Variants in ZNF407 observed in about 807,000 individuals in gnomAD.
ZNF407 encodes the protein zinc finger protein 407.
In ZNF407, 17 loss-of-function variants were observed where a neutral mutation model predicts 131.2. That is an observed-to-expected ratio of 0.13 (90% confidence interval 0.09 to 0.19). The LOEUF (loss-of-function observed/expected upper bound fraction) is 0.19, where lower values mean the gene tolerates loss of function less well. Ranked by LOEUF, ZNF407 falls within the 10% of genes least tolerant of loss-of-function variation. ZNF407 has a pLI of 1.00. For synonymous variants in ZNF407, 1,156 were observed against 1,062.0 expected (o/e 1.09, Z -1.72); for missense variants, 2,681 against 2,830.6 (o/e 0.95, Z 1.20).
intron 3 of ZNF407, among the ~76,000 whole-genome samples, chr18:74,678,831 T>A (rs777434723): frequency 2.6e-5 from 4 of 152,104 alleles, no homozygotes; most frequent in Non-Finnish European, 4.4e-5. Flanking sequence ...ACCTTTCTTT[T>A]GGTGGATGAG....
rs753392432 is a variant in ZNF407 at position 74,634,932 on chromosome 18, A to T, written c.3913A>T (p.Asn1305Tyr). The change falls in exon 2 of 9, where the codon AAT becomes TAT. Residue 1305 changes from asparagine to tyrosine, a missense_variant. Physicochemically the swap from Asn to Tyr is moderately radical, Grantham distance 143. This residue lies in a region of ZNF407 where 1,789 missense variants were observed against 1,748.7 expected (regional missense o/e 1.02). Transcript: ENST00000299687. ...KGVQEDPVLG[N>Y]KEILMNSQHE... ...TGTCCAAGAAGATCCCGTTCTGGGGAATAAGGAAATTCTGATGAATTCACA... is the reference window on the plus strand; with the variant it reads ...TGTCCAAGAAGATCCCGTTCTGGGGTATAAGGAAATTCTGATGAATTCACA... 6.8e-6 allele frequency: 11 copies of T among 1,613,848 alleles called. No individual in the cohort carries two copies. Among genetic ancestry groups the T allele is most frequent in the Admixed American group, 1.7e-5 (1 of 60,002 alleles).
intron 4 of ZNF407, among the ~76,000 whole-genome samples, chr18:74,851,714 T>C (rs1970786394): frequency 6.6e-6 from 1 of 152,188 alleles, no homozygotes; most frequent in Non-Finnish European, 1.5e-5. Flanking sequence ...TTTAGATGAA[T>C]GAGTTCTCAT....
chr18:74,935,946 T>C (rs2145261735), intron 8 of ZNF407, among the ~76,000 whole-genome samples: 1 of 152,350 alleles, frequency 6.6e-6, no homozygotes, highest in African/African-American at 2.4e-5. Context: ...TCTCCCTGTA[T>C]GTAATTTTTT....
intron 4 of ZNF407, among the ~76,000 whole-genome samples, chr18:74,797,168 C>A (rs984950255): frequency 8.5e-5 from 13 of 152,194 alleles, no homozygotes; most frequent in Non-Finnish European, 1.6e-4. Flanking sequence ...AACGTTGGAT[C>A]TGTTTGTCAA....
chr18:74,987,839 G>C (rs1349599271), intron 8 of ZNF407, among the ~76,000 whole-genome samples: 1 of 152,180 alleles, frequency 6.6e-6, no homozygotes, highest in African/African-American at 2.4e-5. Context: ...CACATTTATA[G>C]ATGGGAGGAC....
At chr18:74,651,482 G>A (rs1324242889) in intron 3 of ZNF407, among the ~76,000 whole-genome samples, 1 of 152,168 alleles carries the variant, frequency 6.6e-6, no homozygotes, top group Admixed American at 6.5e-5. Flanking sequence ...AGATGCCTGC[G>A]TGAAGGTTGT....
At chr18:74,789,409 G>A (rs907603560) in intron 4 of ZNF407, among the ~76,000 whole-genome samples, 1 of 152,130 alleles carries the variant, frequency 6.6e-6, no homozygotes, top group Non-Finnish European at 1.5e-5. Context: ...TCCCAGAGTT[G>A]TGTGCGTTGT....
At chr18:74,619,108 C>G (rs1983423065) in intron 1 of ZNF407, among the ~76,000 whole-genome samples, 1 of 152,154 alleles carries the variant, frequency 6.6e-6, no homozygotes, top group Non-Finnish European at 1.5e-5. Context: ...TTTGGAAGTA[C>G]TATTTTTTTC....
chr18:74,889,034 T>A (rs1971349123), intron 6 of ZNF407, among the ~76,000 whole-genome samples: 1 of 152,188 alleles, frequency 6.6e-6, no homozygotes, highest in Non-Finnish European at 1.5e-5. Flanking sequence ...TTTCTGTGTT[T>A]AGATGTGTTT....
At chr18:74,658,286 T>C (rs1213811745) in intron 3 of ZNF407, among the ~76,000 whole-genome samples, 14 of 151,932 alleles carry the variant, frequency 9.2e-5, no homozygotes, top group Admixed American at 9.2e-4. Flanking sequence ...GCCCAGCTAA[T>C]TTTTGTATTT....
At chr18:75,006,820 A>AT (rs950586481) in intron 8 of ZNF407, among the ~76,000 whole-genome samples, 10 of 151,314 alleles carry the variant, frequency 6.6e-5, no homozygotes, top group South Asian at 2.1e-4. Flanking sequence ...TACAAGTGTG[A>AT]TTTTTTTTCT....
intron 4 of ZNF407, among the ~76,000 whole-genome samples, chr18:74,844,122 C>G (rs1416659609): frequency 6.6e-6 from 1 of 152,208 alleles, no homozygotes; most frequent in Non-Finnish European, 1.5e-5. Flanking sequence ...CCAACCTTGA[C>G]TCTACTGCCC....
In ZNF407 at chr18:74,631,100, A is replaced by T. The variant is rs1599025215; in HGVS notation, c.81A>T (p.Ser27=). ...NKEAQDLTKL[S]SHNEDGGPVS... Reference sequence around the variant, plus strand: ...AAGCACAAGACTTGACAAAGCTTTCATCCCATAATGAAGACGGTGGGCCTG... The same window carrying T: ...AAGCACAAGACTTGACAAAGCTTTCTTCCCATAATGAAGACGGTGGGCCTG... Residue 27 remains serine, a synonymous_variant, in exon 2 of 9, where the codon TCA becomes TCT. Coordinates refer to ENST00000299687, the MANE Select transcript of ZNF407 (RefSeq NM_017757.3). The T allele has an allele frequency of 1.2e-6, 2 of 1,613,886 alleles. No individual in the cohort carries two copies. The highest frequency in any genetic ancestry group is 8.5e-7 in the Non-Finnish European group (1 of 1,179,884).
chr18:74,924,462 G>C (rs1971886644), intron 8 of ZNF407, among the ~76,000 whole-genome samples: 1 of 152,100 alleles, frequency 6.6e-6, no homozygotes, highest in African/African-American at 2.4e-5. Context: ...ATAGGTTTCT[G>C]TCATTGTACA....
At chr18:74,982,619 G>A (rs1178050068) in intron 8 of ZNF407, among the ~76,000 whole-genome samples, 3 of 152,198 alleles carry the variant, frequency 2.0e-5, no homozygotes, top group South Asian at 2.1e-4. Flanking sequence ...TAATCAGGGC[G>A]TTGCCTGTTA....
At chr18:74,951,336 C>T (rs1378426802) in intron 8 of ZNF407, among the ~76,000 whole-genome samples, 2 of 152,214 alleles carry the variant, frequency 1.3e-5, no homozygotes, top group African/African-American at 4.8e-5. Flanking sequence ...CCAAGCCCTT[C>T]ACTTTCTCTC....
intron 2 of ZNF407, among the ~76,000 whole-genome samples, chr18:74,639,828 CTA>C (rs1394791686): frequency 6.7e-6 from 1 of 149,846 alleles, no homozygotes; most frequent in Non-Finnish European, 1.5e-5. Flanking sequence ...ATTTAAGACT[CTA>C]AAATTTTTTA....
Position 75,064,058 on chromosome 18 carries a change from G to T in ZNF407, c.6337G>T (p.Val2113Phe). 1 of 1,591,998 alleles carries T rather than the reference G, an allele frequency of 6.3e-7. No homozygotes were observed. ...TQVVVSEEGA[V>F]HMVAGEGAQI... is the part of the protein sequence containing the mutation. Reference sequence around the variant, plus strand: ...GGTGGTGGTGAGCGAAGAGGGTGCCGTCCACATGGTCGCCGGGGAGGGTGC... The same window carrying T: ...GGTGGTGGTGAGCGAAGAGGGTGCCTTCCACATGGTCGCCGGGGAGGGTGC... The change falls in exon 9 of 9, where the codon GTC becomes TTC. Residue 2113 changes from valine to phenylalanine, a missense_variant. Physicochemically the swap from Val to Phe is conservative, Grantham distance 50. Around this residue, in one of 6 missense-constraint regions of ZNF407, gnomAD observed 620 missense variants for 583.1 expected, o/e 1.06. Coordinates refer to ENST00000299687, the MANE Select transcript of ZNF407 (RefSeq NM_017757.3).
intron 5 of ZNF407, among the ~76,000 whole-genome samples, chr18:74,878,825 T>A (rs1283834137): frequency 6.6e-6 from 1 of 151,398 alleles, no homozygotes; most frequent in East Asian, 1.9e-4. Context: ...TTTCTTAAAA[T>A]TTTTTTTCTC....
Sources: gnomAD v4.1 joint callset for allele counts (sites outside exome capture counted in the v4.1 genomes callset) on GRCh38, gnomAD v4.1.1 for gene constraint, gnomAD v4.1.1 regional missense constraint, MANE v1.5 for transcripts, NCBI Gene and HGNC (gene_info 2026-07-23, HGNC 2026-07-21) for gene names.